The following LRRC43 variants were observed in gnomAD, a reference collection of about 807,000 sequenced individuals.
LRRC43 encodes leucine rich repeat containing 43.
In LRRC43, 62 loss-of-function variants were observed where a neutral mutation model predicts 64.3. The observed-to-expected ratio is 0.96, with a 90% confidence interval of 0.79 to 1.19. The LOEUF (loss-of-function observed/expected upper bound fraction) is 1.19, where lower values mean the gene tolerates loss of function less well. Ranked by LOEUF, LRRC43 falls within the 50% of genes most tolerant of loss-of-function variation. The pLI is 0.00. For synonymous variants in LRRC43, 422 were observed against 382.3 expected (o/e 1.10, Z -1.21); for missense variants, 868 against 845.0 (o/e 1.03, Z -0.34).
rs7300211 is a variant in LRRC43 at position 122,174,085 on chromosome 12, T to C, written c.-406+6303T>C. The C allele has an allele frequency of 3.6e-3, 5,759 of 1,613,458 alleles. 191 individuals carry two copies. The African/African-American group carries it at 0.068, about 19-fold the overall frequency. On this transcript the variant is annotated intron_variant, in intron 1 of 5. Transcript: ENST00000537729. Reference sequence around the variant, plus strand: ...AGCCCTGCTGAGCCAACCCTGGGGGTAGTGCTTCCAGAATCTTCCTGGTGA... The same window carrying C: ...AGCCCTGCTGAGCCAACCCTGGGGGCAGTGCTTCCAGAATCTTCCTGGTGA...
intron 1 of LRRC43, among the ~76,000 whole-genome samples, chr12:122,177,812 T>TTTTTTTTATTTA (rs1555238117): frequency 5.8e-5 from 8 of 138,420 alleles, no homozygotes; most frequent in African/African-American, 8.0e-5. Context: ...ACCTTTGTGG[T>TTTTTTTTATTTA]TTTATTTATT....
upstream of LRRC43, among the ~76,000 whole-genome samples, chr12:122,181,132 C>T (rs1394260570): frequency 3.3e-5 from 5 of 149,492 alleles, no homozygotes; most frequent in East Asian, 4.0e-4. Flanking sequence ...GTGGGAGGAC[C>T]GCTTCAGTTC....
chr12:122,189,442 G>A (rs1248555233), intron 4 of LRRC43: 2 of 456,738 alleles, frequency 4.4e-6, no homozygotes, highest in Non-Finnish European at 4.4e-6. Flanking sequence ...GGGAGATGCT[G>A]TGCTGACAGC....
rs1233710623 is a variant in LRRC43 at position 122,173,764 on chromosome 12, C to T, written c.-406+5982C>T. The T allele has an allele frequency of 1.4e-5, 18 of 1,290,882 alleles. 1 individual carries two copies. The highest frequency in any genetic ancestry group is 2.7e-5 in the South Asian group (2 of 75,392). The allele number at this position is 1,290,882 out of a possible 1,614,324, so 80.0% of individuals were successfully genotyped here. On this transcript the variant is annotated intron_variant, in intron 1 of 5. Coordinates refer to the LRRC43 transcript ENST00000537729. ...ATAGCTACAGCCCTGGTTTCAGGTCCGGAGAGAGGAGCCTCTTTGGAGGGC... is the reference window on the plus strand; with the variant it reads ...ATAGCTACAGCCCTGGTTTCAGGTCTGGAGAGAGGAGCCTCTTTGGAGGGC...
At chr12:122,172,068 G>A (rs996259357) in intron 1 of LRRC43, 4 of 178,894 alleles carry the variant, frequency 2.2e-5, no homozygotes, top group South Asian at 1.4e-4. Flanking sequence ...AATAGATTCC[G>A]AGGGCTCCCC....
chr12:122,180,068 G>T (rs1953569166), upstream of LRRC43, among the ~76,000 whole-genome samples: 1 of 152,078 alleles, frequency 6.6e-6, no homozygotes. Flanking sequence ...AGGAGGAAAT[G>T]GTTGGCATCA....
chr12:122,193,136 T>C, intron 7 of LRRC43, 132 bp downstream of exon 7: 1 of 898,126 alleles, frequency 1.1e-6, no homozygotes, highest in Non-Finnish European at 1.7e-6. Context: ...ATCCCGGCAC[T>C]TTGGGAGGCA....
Position 122,187,798 on chromosome 12 carries a change from T to C in LRRC43, c.620T>C (p.Leu207Pro). The stretch of plus-strand genomic sequence containing the variant: ...CACTTGGGGTTAGGCCACAACAAAC[T>C]TCTAGGCCCCTTGGAAAGTCTCTAC... ...LQHLGLGHNK[L>P]LGPLESLYVT... Residue 207 changes from leucine (L) to proline (P), a missense_variant, in exon 4 of 12, where the codon CTT becomes CCT. Leu to Pro is a moderately conservative substitution (Grantham distance 98). Transcript: ENST00000339777. 1 of 1,614,112 alleles carries C rather than the reference T, an allele frequency of 6.2e-7. No individual in the cohort carries two copies. The highest frequency in any genetic ancestry group is 8.5e-7 in the Non-Finnish European group (1 of 1,179,992).
chr12:122,186,154 C>T (rs757449027), intron 2 of LRRC43, 36 bp from the exon 3 acceptor site: 6 of 1,244,092 alleles, frequency 4.8e-6, no homozygotes, highest in South Asian at 3.8e-5. Context: ...GCTCCCTCTC[C>T]TGCTACAGCC....
At chr12:122,168,987 G>A (rs1180328742) in intron 1 of LRRC43, among the ~76,000 whole-genome samples, 1 of 152,324 alleles carries the variant, frequency 6.6e-6, no homozygotes, top group African/African-American at 2.4e-5. Flanking sequence ...GACTGGGATG[G>A]TGGTTTTGGA....
At position 122,200,899 on chromosome 12, in the gene LRRC43, C is replaced by T. The variant is rs758327800; in HGVS notation, c.1774C>T (p.Arg592Cys). The change falls in exon 10 of 12, where the codon CGC (arginine) becomes TGC (cysteine). Residue 592 changes from arginine to cysteine, a missense_variant. By Grantham distance (180) the Arg-to-Cys change is radical. Coordinates refer to ENST00000339777, the MANE Select transcript of LRRC43 (RefSeq NM_001098519.2). The surrounding 1 kb of genome is among the most constrained non-coding windows in gnomAD (Gnocchi z 4.6). ...VSTVCNFGVV[R>C]TLTSDRLTLA... ...CACCGTGTGCAACTTCGGCGTGGTC[C>T]GCACATTGACATCTGACAGGCTGAC... 1.9e-5 allele frequency: 30 copies of T among 1,610,192 alleles called. No homozygotes were observed. The highest frequency in any genetic ancestry group is 8.0e-5 in the African/African-American group (6 of 74,864).
chr12:122,182,895 G>A, upstream of LRRC43: 1 of 535,184 alleles, frequency 1.9e-6, no homozygotes, highest in Non-Finnish European at 3.2e-6. Flanking sequence ...ACTTTCCGTG[G>A]GGAGTGCTTG....
chr12:122,177,715 G>C (rs1194863223), intron 1 of LRRC43, among the ~76,000 whole-genome samples: 4 of 151,886 alleles, frequency 2.6e-5, no homozygotes. Context: ...ATGTTGCCCA[G>C]GTTGGTGTTG....
intron 7 of LRRC43, among the ~76,000 whole-genome samples, chr12:122,193,207 C>T (rs1350604607): frequency 2.0e-5 from 3 of 151,578 alleles, no homozygotes; most frequent in South Asian, 2.1e-4. Context: ...GGTGAAACCC[C>T]GTCTCTACTA....
chr12:122,183,212 G>T lies in LRRC43; in HGVS notation c.68G>T (p.Gly23Val). Residue 23 changes from glycine (G) to valine (V), a missense_variant, in exon 1 of 12, where the codon GGG (glycine) becomes GTG (valine). By Grantham distance (109) the Gly-to-Val change is moderately radical (BLOSUM62 -3). Coordinates refer to ENST00000339777, the MANE Select transcript of LRRC43 (RefSeq NM_001098519.2). ...SEAGPGTQRP[G>V]TGTVSAAVRE... ...GCCGGGCCTGGGACTCAGCGGCCCG[G>T]GACCGGGACCGTGAGCGCGGCCGTG... The T allele has an allele frequency of 1.3e-6, 2 of 1,563,382 alleles. No individual in the cohort carries two copies. The highest frequency in any genetic ancestry group is 3.3e-4 in the Middle Eastern group (2 of 5,978).
chr12:122,199,690 C>T (rs1267227513), intron 7 of LRRC43, among the ~76,000 whole-genome samples: 1 of 151,772 alleles, frequency 6.6e-6, no homozygotes, highest in Admixed American at 6.6e-5. Context: ...CTCAAGCAAT[C>T]CTCCTACCTC....
At position 122,192,865 on chromosome 12, in the gene LRRC43, T is replaced by G; in HGVS notation, c.1210T>G (p.Ser404Ala). Reference sequence around the variant, plus strand: ...TGAAGAGGTCGAAGGGTCTCTGGAGTCTGAGGTGGAGGAGTCAGGAGAGTC... The same window carrying G: ...TGAAGAGGTCGAAGGGTCTCTGGAGGCTGAGGTGGAGGAGTCAGGAGAGTC... ...VTEEVEGSLESEVEESGESEL... is the reference protein window; with the variant it reads ...VTEEVEGSLEAEVEESGESEL... The change falls in exon 7 of 12, where the codon TCT (serine) becomes GCT (alanine). Residue 404 changes from serine to alanine, a missense_variant. Ser to Ala is a moderately conservative substitution (Grantham distance 99). Transcript: ENST00000339777. The G allele has an allele frequency of 1.9e-6, 3 of 1,613,330 alleles. No homozygotes were observed. Among genetic ancestry groups the G allele is most frequent in the Non-Finnish European group, 2.5e-6 (3 of 1,179,954 alleles).
chr12:122,177,309 C>T (rs904142957), intron 1 of LRRC43, among the ~76,000 whole-genome samples: 6 of 151,956 alleles, frequency 3.9e-5, no homozygotes, highest in African/African-American at 9.7e-5. Context: ...GTGGAAAGCA[C>T]GAGAAGGAAA....
In LRRC43 at chr12:122,203,446, G is replaced by T. The variant is rs778497313; in HGVS notation, c.*4G>T. On this transcript the variant is annotated 3_prime_UTR_variant, in exon 12 of 12. Coordinates refer to ENST00000339777, the MANE Select transcript of LRRC43 (RefSeq NM_001098519.2). ...TCTGCGCATGTTCGCCGTGTAGGGC[G>T]TGGGCAGTAAAGGCTGTTCCCAGCA... 3 of 1,608,716 alleles carry T rather than the reference G, an allele frequency of 1.9e-6. No homozygotes were observed. The East Asian group carries it at 6.7e-5, about 36-fold the overall frequency.
Sources: allele counts gnomAD v4.1 joint callset (sites outside exome capture counted in the v4.1 genomes callset), GRCh38; gene constraint gnomAD v4.1.1; non-coding constraint Gnocchi (gnomAD v3.1); transcripts MANE v1.5; gene names NCBI Gene and HGNC (gene_info 2026-07-23, HGNC 2026-07-21).